Variants in CPAMD8 observed in about 807,000 individuals in gnomAD.
CPAMD8 encodes the protein C3 and PZP like alpha-2-macroglobulin domain containing 8.
A neutral mutation model predicts 224.7 loss-of-function variants in CPAMD8; 146 were observed. That is an observed-to-expected ratio of 0.65 (90% CI 0.57 to 0.75). The LOEUF is 0.75. Ranked by LOEUF, CPAMD8 falls within the 30% of genes least tolerant of loss-of-function variation. The pLI, the probability that CPAMD8 is intolerant of heterozygous loss-of-function variation, is 0.00. For synonymous variants in CPAMD8, 966 were observed against 1,044.6 expected (o/e 0.92, Z 1.45); for missense variants, 2,301 against 2,537.5 (o/e 0.91, Z 2.00).
rs924268846 is a variant in CPAMD8, at chr19:16,914,594, G to T, written c.3786+63C>A. On this transcript the variant is annotated intron_variant, in intron 28 of 41. Coordinates refer to ENST00000443236, the MANE Select transcript of CPAMD8 (RefSeq NM_015692.5). ...AGCTCCAGGGAGTAGGAACAGGCAGGTCAGGGCTGGGGCTCTGGGAGGAGG... is the reference window on the plus strand; with the variant it reads ...AGCTCCAGGGAGTAGGAACAGGCAGTTCAGGGCTGGGGCTCTGGGAGGAGG... The T allele has an allele frequency of 2.1e-4, 342 of 1,612,396 alleles. 1 individual carries two copies. Among genetic ancestry groups the T allele is most frequent in the Non-Finnish European group, 2.7e-4 (321 of 1,178,726 alleles).
intron 12 of CPAMD8, among the ~76,000 whole-genome samples, chr19:16,992,126 A>G (rs2122920499): frequency 6.6e-6 from 1 of 152,256 alleles, no homozygotes; most frequent in African/African-American, 2.4e-5. Flanking sequence ...CATCCTCTCC[A>G]GTCCCTCCTG....
At chr19:16,985,688 GA>G (rs1188991848) in intron 13 of CPAMD8, among the ~76,000 whole-genome samples, 1 of 150,546 alleles carries the variant, frequency 6.6e-6, no homozygotes, top group East Asian at 2.0e-4. Flanking sequence ...ATGGATGGAT[GA>G]AGGGTGGATG....
At chr19:17,001,333 A>C (rs1207877380) in intron 9 of CPAMD8, among the ~76,000 whole-genome samples, 2 of 150,694 alleles carry the variant, frequency 1.3e-5, no homozygotes, top group Non-Finnish European at 3.0e-5. Flanking sequence ...AAAAAAAAAA[A>C]AAAAAAAAAA....
intron 22 of CPAMD8, among the ~76,000 whole-genome samples, chr19:16,942,462 C>G (rs997603545): frequency 6.6e-6 from 1 of 152,066 alleles, no homozygotes; most frequent in Non-Finnish European, 1.5e-5. Flanking sequence ...ACTCCATCCC[C>G]AAAACTAGTA....
intron 30 of CPAMD8, among the ~76,000 whole-genome samples, chr19:16,905,971 G>T (rs1382591078): frequency 6.6e-6 from 1 of 152,056 alleles, no homozygotes; most frequent in African/African-American, 2.4e-5. Flanking sequence ...AAGGGTGGAA[G>T]CGAGACCCAA....
intron 20 of CPAMD8, 62 bp from the exon 21 acceptor site, chr19:16,947,289 G>A (rs2054138044): frequency 6.4e-7 from 1 of 1,554,672 alleles, no homozygotes; most frequent in Non-Finnish European, 8.7e-7. Context: ...GTGCCTGGAG[G>A]CCCAACACAC....
rs1257522876 is a variant in CPAMD8 at position 16,979,147 on chromosome 19, TCATCCACC to T, written c.1585+1342_1585+1349del. Reference sequence around the variant, plus strand: ...AACCATCCATCTATTCATCCATCCATCATCCACCCATCCACCCACTATCCATCCATCCA... The same window carrying T: ...AACCATCCATCTATTCATCCATCCATCATCCACCCACTATCCATCCATCCA... On this transcript the variant is annotated intron_variant, in intron 14 of 41. Coordinates refer to ENST00000443236, the MANE Select transcript of CPAMD8 (RefSeq NM_015692.5). Among the ~76,000 whole-genome samples, 4 of 150,340 alleles carry T rather than the reference TCATCCACC, an allele frequency of 2.7e-5. No homozygotes were observed. In the East Asian group the frequency reaches 8.0e-4, roughly 30 times the overall value.
intron 12 of CPAMD8, among the ~76,000 whole-genome samples, chr19:16,991,917 G>C (rs1412841168): frequency 6.6e-6 from 1 of 151,884 alleles, no homozygotes; most frequent in Non-Finnish European, 1.5e-5. Flanking sequence ...GTGTTGAGCA[G>C]CAGGTCCAAC....
chr19:16,986,921 C>T (rs1342218150), intron 13 of CPAMD8, among the ~76,000 whole-genome samples: 1 of 151,514 alleles, frequency 6.6e-6, no homozygotes, highest in Non-Finnish European at 1.5e-5. Flanking sequence ...TTTGGGAGGC[C>T]GAAGAGGGTG....
intron 29 of CPAMD8, among the ~76,000 whole-genome samples, chr19:16,908,125 G>A (rs1307236870): frequency 2.0e-5 from 3 of 151,962 alleles, no homozygotes; most frequent in Non-Finnish European, 2.9e-5. Flanking sequence ...TTGGGAGGCC[G>A]AGGTGGGCAG....
At position 16,896,537 on chromosome 19, in the gene CPAMD8, C is replaced by T; in HGVS notation, c.5194G>A (p.Ala1732Thr). The change falls in exon 40 of 42, where the codon GCC becomes ACC. Residue 1732 changes from alanine to threonine, a missense_variant. Around this residue, in one of 4 missense-constraint regions of CPAMD8, gnomAD observed 1,709 missense variants for 1,753.2 expected, o/e 0.97. Transcript: ENST00000443236. ...GCCTCCCGCAGGCGGCAGGCGCTGG[C>T]GTAGACCACCCCGTCGGAGCCGCAC... ...PVCGSDGVVY[A>T]SACRLREAAC... is the part of the protein sequence containing the mutation. 4.0e-6 allele frequency: 6 copies of T among 1,491,282 alleles called. No homozygotes were observed. The highest frequency in any genetic ancestry group is 5.3e-6 in the Non-Finnish European group (6 of 1,127,608). The allele number at this position is 1,491,282 out of a possible 1,614,324, so 92.4% of individuals were successfully genotyped here.
At chr19:16,946,658 A>C (rs897893761) in intron 21 of CPAMD8, among the ~76,000 whole-genome samples, 1 of 113,416 alleles carries the variant, frequency 8.8e-6, no homozygotes, top group Non-Finnish European at 1.8e-5. Flanking sequence ...ATGTGTGTGG[A>C]TTTGTGTGTG....
intron 2 of CPAMD8, among the ~76,000 whole-genome samples, chr19:17,021,476 C>T (rs1012502866): frequency 3.9e-5 from 6 of 152,216 alleles, no homozygotes; most frequent in South Asian, 4.1e-4. Flanking sequence ...TCATTCTCGG[C>T]ATGAGGAATG....
intron 3 of CPAMD8, chr19:17,013,336 C>T (rs1321200174): frequency 1.3e-5 from 2 of 151,686 alleles, no homozygotes; most frequent in African/African-American, 4.8e-5. Context: ...TGGTGAAACC[C>T]TGTCTCTACA....
intron 23 of CPAMD8, among the ~76,000 whole-genome samples, chr19:16,936,393 TTTTG>T (rs566842546): frequency 3.3e-5 from 5 of 152,056 alleles, no homozygotes; most frequent in African/African-American, 4.8e-5. Context: ...TTGCCCACTT[TTTTG>T]TTTGTTTGTT....
At chr19:17,006,011 C>G (rs1470130952) in intron 7 of CPAMD8, among the ~76,000 whole-genome samples, 2 of 151,944 alleles carry the variant, frequency 1.3e-5, no homozygotes, top group Non-Finnish European at 2.9e-5. Context: ...TTTGCCCAGG[C>G]TGGAGTGCAG....
rs936656602 is a variant in CPAMD8, at chr19:16,896,570, T to C, written c.5161A>G (p.Asn1721Asp). 42 of 1,509,124 alleles carry C rather than the reference T, an allele frequency of 2.8e-5. No individual in the cohort carries two copies. The highest frequency in any genetic ancestry group is 2.3e-4 in the Middle Eastern group (1 of 4,296). 93.5% of individuals were successfully genotyped at this position (1,509,124 alleles called of 1,614,324 possible). A position where few individuals can be genotyped will look rare whatever the true frequency, so the allele number is the denominator to read the frequency against. The change falls in exon 40 of 42, where the codon AAC (asparagine) becomes GAC (aspartate). Residue 1721 changes from asparagine to aspartate, a missense_variant. Asn to Asp is a conservative substitution (Grantham distance 23). Transcript: ENST00000443236. ...ACCCCGTCGGAGCCGCACACCGGGT[T>C]CCCCTGGGCGCCGCAGTCGTGGTCG... ...GCDHDCGAQG[N>D]PVCGSDGVVY... is the part of the protein sequence containing the mutation.
At chr19:16,908,192 C>G (rs985988601) in intron 29 of CPAMD8, among the ~76,000 whole-genome samples, 1 of 152,020 alleles carries the variant, frequency 6.6e-6, no homozygotes, top group Non-Finnish European at 1.5e-5. Flanking sequence ...AATTCCATCT[C>G]TATTAAAAAT....
chr19:17,005,427 G>T lies in CPAMD8; in HGVS notation c.560-1041C>A, dbSNP rs964589156. 2.3e-5 allele frequency among the ~76,000 whole-genome samples: 3 copies of T among 132,148 alleles called. No homozygotes were observed. In the Admixed American group the frequency reaches 2.8e-4, roughly 12 times the overall value. 86.7% of individuals were successfully genotyped at this position (132,148 alleles called of 152,430 possible). A position where few individuals can be genotyped will look rare whatever the true frequency, so the allele number is the denominator to read the frequency against. ...CCACCCCCCAACTGAACTAGAGCAC[G>T]CACACACTTTAGAACAGAGCACTCT... is the stretch of plus-strand genomic sequence containing the variant. On this transcript the variant is annotated intron_variant, in intron 7 of 41. Coordinates refer to ENST00000443236, the MANE Select transcript of CPAMD8 (RefSeq NM_015692.5).
Sources: gnomAD v4.1 joint callset for allele counts (sites outside exome capture counted in the v4.1 genomes callset) on GRCh38, gnomAD v4.1.1 for gene constraint, gnomAD v4.1.1 regional missense constraint, MANE v1.5 for transcripts, NCBI Gene and HGNC (gene_info 2026-07-23, HGNC 2026-07-21) for gene names.